The following ASH2L variants were observed in gnomAD, a reference collection of about 807,000 sequenced individuals.
ASH2L encodes ASH2 like, histone lysine methyltransferase complex subunit, also known as set1/Ash2 histone methyltransferase complex subunit ASH2.
ASH2L carries 30 observed loss-of-function variants against 81.1 expected under a neutral mutation model. That is an observed-to-expected ratio of 0.37 (90% CI 0.28 to 0.50). The LOEUF is 0.50. Ranked by LOEUF, ASH2L falls within the 20% of genes least tolerant of loss-of-function variation. The pLI is 0.95. For missense variants in ASH2L, 559 were observed against 792.1 expected, an observed-to-expected ratio of 0.71 and a Z score of 3.53; for synonymous variants, 273 against 279.9, an observed-to-expected ratio of 0.98 and a Z score of 0.24.
chr8:38,116,271 C>A (rs971481583), intron 7 of ASH2L, among the ~76,000 whole-genome samples: 1 of 152,062 alleles, frequency 6.6e-6, no homozygotes, highest in Non-Finnish European at 1.5e-5. Context: ...GAGGCTGAGG[C>A]AAGAGAATCA....
chr8:38,112,600 A>G (rs1810733812), intron 5 of ASH2L, among the ~76,000 whole-genome samples: 1 of 152,094 alleles, frequency 6.6e-6, no homozygotes, highest in Non-Finnish European at 1.5e-5. Context: ...TTACATAAGT[A>G]TTGTGTGTTT....
chr8:38,122,674 A>G (rs1801679273), intron 10 of ASH2L, among the ~76,000 whole-genome samples: 1 of 151,868 alleles, frequency 6.6e-6, no homozygotes, highest in African/African-American at 2.4e-5. Flanking sequence ...TCCTTTCCTT[A>G]TTTGTAAGGT....
chr8:38,123,082 C>CTTTTTTTTTT (rs59410420), intron 10 of ASH2L, among the ~76,000 whole-genome samples: 2 of 100,904 alleles, frequency 2.0e-5, no homozygotes, highest in African/African-American at 4.0e-5. Context: ...TTCAGAATTT[C>CTTTTTTTTTT]TTTTTTTTTT....
chr8:38,125,939 C>T (rs900735282), intron 10 of ASH2L, among the ~76,000 whole-genome samples: 4 of 152,120 alleles, frequency 2.6e-5, no homozygotes, highest in Non-Finnish European at 5.9e-5. Flanking sequence ...CATGGTGGCT[C>T]ACACCTGTAA....
chr8:38,124,299 T>TGGCTCAAGCAATCTTCCC (rs1801744221), intron 10 of ASH2L: 1 of 148,712 alleles, frequency 6.7e-6, no homozygotes. Context: ...TTCGACTTCC[T>TGGCTCAAGCAATCTTCCC]GGCTCAAGCA....
In ASH2L at chr8:38,119,435, G is replaced by A. The variant is rs186207021; in HGVS notation, c.947+72G>A. The A allele has an allele frequency of 1.6e-3, 1,980 of 1,268,100 alleles. 3 individuals carry two copies. Among genetic ancestry groups the A allele is most frequent in the Non-Finnish European group, 2.0e-3 (1,850 of 933,820 alleles). 78.6% of individuals were successfully genotyped at this position (1,268,100 alleles called of 1,614,324 possible). ...TGGTGCTGGGAAAGTCCAGCAGAGGGAAGAGAGTTCAAGGGTCGGAGGTTA... is the reference window on the plus strand; with the variant it reads ...TGGTGCTGGGAAAGTCCAGCAGAGGAAAGAGAGTTCAAGGGTCGGAGGTTA... On this transcript the variant is annotated intron_variant, in intron 9 of 15. Transcript: ENST00000343823.
intron 8 of ASH2L, among the ~76,000 whole-genome samples, chr8:38,118,320 T>G (rs1810993043): frequency 6.6e-6 from 1 of 152,218 alleles, no homozygotes; most frequent in Admixed American, 6.5e-5. Context: ...TGCAGTTGTT[T>G]ACGTAAAGGT....
intron 12 of ASH2L, among the ~76,000 whole-genome samples, 172 bp from the exon 13 acceptor site, chr8:38,133,282 T>C (rs1274953789): frequency 6.6e-6 from 1 of 152,234 alleles, no homozygotes; most frequent in Admixed American, 6.5e-5. Flanking sequence ...TGCCATCTGG[T>C]ATTTTTTAAG....
rs984180554 is a variant in ASH2L, at chr8:38,139,922, T to A, written c.*851T>A. On this transcript the variant is annotated 3_prime_UTR_variant, in exon 16 of 16. Transcript: ENST00000343823. The stretch of plus-strand genomic sequence containing the variant: ...AGGAACAAGAGTTTAAAAGGGCTAA[T>A]GATCTCCCTCCCGGTCTTCCCTTGG... The A allele has an allele frequency of 6.6e-6, 1 of 152,242 alleles. No individual in the cohort carries two copies. Among genetic ancestry groups the A allele is most frequent in the African/African-American group, 2.4e-5 (1 of 41,444 alleles). The allele number at this position is 152,242 out of a possible 1,614,324, so 9.4% of individuals were successfully genotyped here.
chr8:38,116,524 C>T, intron 7 of ASH2L, 126 bp from the exon 8 acceptor site: 2 of 735,792 alleles, frequency 2.7e-6, no homozygotes, highest in South Asian at 1.6e-5. Context: ...TAGAGTAAGG[C>T]CCCATCTCAG....
intron 9 of ASH2L, 53 bp from the exon 10 acceptor site, chr8:38,120,879 A>G (rs1479895619): frequency 1.1e-5 from 17 of 1,486,478 alleles, no homozygotes; most frequent in Non-Finnish European, 1.5e-5. Flanking sequence ...AGTTGAATGC[A>G]TTTGAGCTAA....
chr8:38,108,770 G>A (rs569456486), intron 3 of ASH2L, among the ~76,000 whole-genome samples: 20 of 151,318 alleles, frequency 1.3e-4, no homozygotes, highest in Admixed American at 8.6e-4. Flanking sequence ...CAGCCTGGGC[G>A]ACAGTGAGAC....
intron 7 of ASH2L, among the ~76,000 whole-genome samples, chr8:38,116,315 G>A (rs750278971): frequency 3.3e-5 from 5 of 152,016 alleles, no homozygotes; most frequent in Non-Finnish European, 4.4e-5. Flanking sequence ...GCAGTAAGCC[G>A]ATATCGCGCC....
Position 38,139,140 on chromosome 8 carries a change from T to G in ASH2L, c.*69T>G, listed in dbSNP as rs1802383879. On this transcript the variant is annotated 3_prime_UTR_variant, in exon 16 of 16. Coordinates refer to ENST00000343823, the MANE Select transcript of ASH2L (RefSeq NM_004674.5). ...GGGGGTTTTGTTTTTGTTTTTGAACTGTCTCAAATGTTCTCCCAAAGATGC... is the reference window on the plus strand; with the variant it reads ...GGGGGTTTTGTTTTTGTTTTTGAACGGTCTCAAATGTTCTCCCAAAGATGC... 8.4e-7 allele frequency: 1 copy of G among 1,196,772 alleles called. No homozygotes were observed. Among genetic ancestry groups the G allele is most frequent in the Non-Finnish European group, 1.2e-6 (1 of 863,370 alleles). The allele number at this position is 1,196,772 out of a possible 1,614,324, so 74.1% of individuals were successfully genotyped here.
chr8:38,128,773 CT>C lies in ASH2L; in HGVS notation c.1352del (p.Leu451Ter). The C allele has an allele frequency of 6.2e-7, 1 of 1,613,660 alleles. No homozygotes were observed. The highest frequency in any genetic ancestry group is 8.5e-7 in the Non-Finnish European group (1 of 1,179,948). On this transcript the variant is annotated frameshift_variant, in exon 12 of 16. Coordinates refer to ENST00000343823, the MANE Select transcript of ASH2L (RefSeq NM_004674.5). LOFTEE classifies it high-confidence loss of function. ...WSQPLGNLQA[P>X]LGYDKFSYSW... The stretch of plus-strand genomic sequence containing the variant: ...ATTGGGACAGGAAACCTTCAAGCTC[CT>C]TTAGGTTATGATAAATTTAGCTATT...
At chr8:38,113,207 T>C (rs564380002) in intron 5 of ASH2L, among the ~76,000 whole-genome samples, 278 of 152,160 alleles carry the variant, frequency 1.8e-3, no homozygotes, top group African/African-American at 6.4e-3. Context: ...TGACCTCAAG[T>C]GATCCACCCA....
At chr8:38,137,432 G>C (rs1253331590) in intron 14 of ASH2L, 1 of 151,684 alleles carries the variant, frequency 6.6e-6, no homozygotes, top group African/African-American at 2.4e-5. Context: ...GCCTGGTGGC[G>C]GGAGCCTGTA....
chr8:38,107,193 G>GA (rs760208693), intron 3 of ASH2L, 27 bp downstream of exon 3: 17 of 1,610,702 alleles, frequency 1.1e-5, no homozygotes, highest in Admixed American at 6.7e-5. Context: ...GTTTTTGTGA[G>GA]AATTGCTCGG....
rs1217388151 is a variant in ASH2L at position 38,114,833 on chromosome 8, A to T, written c.682-72A>T. On this transcript the variant is annotated intron_variant, in intron 6 of 15. Transcript: ENST00000343823. ...CACCTAGGAATTGACTTTTAGAGTT[A>T]GTGGTTGATTATTAATTCCATACTT... 10 of 971,708 alleles carry T rather than the reference A, an allele frequency of 1.0e-5. No homozygotes were observed. In the Admixed American group the frequency reaches 2.1e-4, roughly 20 times the overall value. 60.2% of individuals were successfully genotyped at this position (971,708 alleles called of 1,614,324 possible).
Sources: allele counts gnomAD v4.1 joint callset (sites outside exome capture counted in the v4.1 genomes callset), GRCh38; gene constraint gnomAD v4.1.1; transcripts MANE v1.5; gene names NCBI Gene and HGNC (gene_info 2026-07-23, HGNC 2026-07-21).